Variants in CNIH3 observed in about 807,000 individuals in gnomAD.
CNIH3 encodes cornichon family AMPA receptor auxiliary protein 3, also known as protein cornichon homolog 3.
In CNIH3, 14 loss-of-function variants were observed where a neutral mutation model predicts 24.1. The ratio of observed to expected loss-of-function variants is 0.58; its 90% CI spans 0.38 to 0.91. CNIH3 has a LOEUF of 0.91. CNIH3 is among the 40% of genes least tolerant of loss of function. The pLI is 0.00. For missense variants in CNIH3, 178 were observed against 196.8 expected (o/e 0.90, Z 0.57); for synonymous variants, 68 against 73.8 (o/e 0.92, Z 0.40).
chr1:224,643,278 A>T (rs1684447106), intron 1 of CNIH3, among the ~76,000 whole-genome samples: 1 of 152,216 alleles, frequency 6.6e-6, no homozygotes. Context: ...CAAATGTAGA[A>T]TGAGAAATTA....
intron 2 of CNIH3, among the ~76,000 whole-genome samples, chr1:224,523,329 G>A (rs1279452141): frequency 6.6e-6 from 1 of 152,122 alleles, no homozygotes; most frequent in African/African-American, 2.4e-5. Context: ...GGGTAAATAC[G>A]TTGTGGTGTA....
chr1:224,699,256 C>T (rs1329746814), intron 3 of CNIH3, among the ~76,000 whole-genome samples: 1 of 152,184 alleles, frequency 6.6e-6, no homozygotes, highest in Non-Finnish European at 1.5e-5. Context: ...TCTCACCCTC[C>T]AAGTCAAAAA....
chr1:224,706,253 G>A (rs1474807143), intron 3 of CNIH3, among the ~76,000 whole-genome samples: 1 of 152,286 alleles, frequency 6.6e-6, no homozygotes, highest in Non-Finnish European at 1.5e-5. Context: ...CTTGGATGCT[G>A]ATCTGCCGTG....
At chr1:224,453,167 G>A (rs1195061943) in intron 1 of CNIH3, among the ~76,000 whole-genome samples, 6 of 151,398 alleles carry the variant, frequency 4.0e-5, no homozygotes, top group Admixed American at 1.3e-4. Flanking sequence ...TATATATTGT[G>A]TGTATATATA....
At chr1:224,738,619 C>T (rs1458789344) in intron 5 of CNIH3, among the ~76,000 whole-genome samples, 4 of 152,174 alleles carry the variant, frequency 2.6e-5, no homozygotes, top group African/African-American at 7.2e-5. Flanking sequence ...GCGAAATAGA[C>T]AAAGAGGTAT....
chr1:224,593,646 A>G (rs1681857542), intron 3 of CNIH3, among the ~76,000 whole-genome samples: 1 of 152,250 alleles, frequency 6.6e-6, no homozygotes. Flanking sequence ...GTATCAAAAC[A>G]TCATATGGAC....
chr1:224,491,609 T>G, intron 1 of CNIH3, among the ~76,000 whole-genome samples: 1 of 152,198 alleles, frequency 6.6e-6, no homozygotes, highest in African/African-American at 2.4e-5. Context: ...TATTTTTTAT[T>G]TATTTATTTT....
chr1:224,457,968 A>C (rs1675750195), intron 1 of CNIH3, among the ~76,000 whole-genome samples: 1 of 152,208 alleles, frequency 6.6e-6, no homozygotes, highest in South Asian at 2.1e-4. Flanking sequence ...GGGAGGAAGC[A>C]GACTTATTTT....
At chr1:224,647,694 A>G (rs1229322641) in intron 1 of CNIH3, among the ~76,000 whole-genome samples, 1 of 152,206 alleles carries the variant, frequency 6.6e-6, no homozygotes, top group African/African-American at 2.4e-5. Flanking sequence ...GCTGGGACAG[A>G]GCCAAGGATG....
In CNIH3 at chr1:224,616,511, G is replaced by T. The variant is rs1682995900; in HGVS notation, c.-664G>T. The T allele has an allele frequency of 1.2e-5, 12 of 987,640 alleles. No homozygotes were observed. Among genetic ancestry groups the T allele is most frequent in the Non-Finnish European group, 1.4e-5 (12 of 831,082 alleles). 61.2% of individuals were successfully genotyped at this position (987,640 alleles called of 1,614,324 possible). On this transcript the variant is annotated 5_prime_UTR_variant, in exon 1 of 6. Transcript: ENST00000272133. Reference sequence around the variant, plus strand: ...GCGGAGGCCGGCTGGCCGGAGTCACGGTTGGGGACGGGCGCGCCTCGGAGC... The same window carrying T: ...GCGGAGGCCGGCTGGCCGGAGTCACTGTTGGGGACGGGCGCGCCTCGGAGC...
downstream of CNIH3, among the ~76,000 whole-genome samples, chr1:224,541,146 G>T (rs1157905826): frequency 6.6e-6 from 1 of 152,132 alleles, no homozygotes; most frequent in African/African-American, 2.4e-5. Flanking sequence ...ATTAAGAAAG[G>T]TTTTCATTTT....
In CNIH3 at chr1:224,500,655, G is replaced by A. The variant is rs561918359; in HGVS notation, n.204-15086G>A. 1.0e-4 allele frequency among the ~76,000 whole-genome samples: 15 copies of A among 146,536 alleles called. No homozygotes were observed. The East Asian group carries it at 3.1e-3, about 30-fold the overall frequency. On this transcript the variant is annotated intron_variant and non_coding_transcript_variant, in intron 1 of 5. Transcript: ENST00000471578. ...GCCACTGCACTCCAACCTGCTGGGC[G>A]ACAGAGTGAGACAAAAAAGCAAAGA... is the stretch of plus-strand genomic sequence containing the variant.
chr1:224,697,287 A>G (rs1013845600), intron 3 of CNIH3, among the ~76,000 whole-genome samples: 9 of 152,152 alleles, frequency 5.9e-5, no homozygotes, highest in African/African-American at 2.2e-4. Flanking sequence ...AGGTTAAAAA[A>G]TCCTGCTGCC....
At chr1:224,562,256 T>C (rs1315275485) in intron 3 of CNIH3, among the ~76,000 whole-genome samples, 4 of 152,322 alleles carry the variant, frequency 2.6e-5, no homozygotes. Flanking sequence ...TATTTGACTC[T>C]CCTTTCCTGG....
intron 3 of CNIH3, among the ~76,000 whole-genome samples, chr1:224,728,082 C>T (rs1689128652): frequency 6.6e-6 from 1 of 152,110 alleles, no homozygotes; most frequent in Non-Finnish European, 1.5e-5. Flanking sequence ...AAACTGTAAT[C>T]AGTCAGAGAT....
downstream of CNIH3, among the ~76,000 whole-genome samples, chr1:224,538,645 TTCTCTC>T (rs375750092): frequency 2.3e-4 from 35 of 149,014 alleles, no homozygotes; most frequent in Non-Finnish European, 4.3e-4. Flanking sequence ...CTCCTCCTCC[TTCTCTC>T]TCTCTCTCTC....
chr1:224,705,804 C>CT (rs760087102), intron 3 of CNIH3, among the ~76,000 whole-genome samples: 12 of 150,634 alleles, frequency 8.0e-5, no homozygotes, highest in Non-Finnish European at 1.5e-4. Flanking sequence ...TCTTCCTTCA[C>CT]TTTTTTTTCT....
At chr1:224,588,138 C>T (rs12089565) in intron 5 of CNIH3, among the ~76,000 whole-genome samples, 39,006 of 151,878 alleles carry the variant, frequency 0.26, 5,174 homozygotes, top group Admixed American at 0.35. Flanking sequence ...CGTTCCCTCC[C>T]TTGAGCTGTC....
intron 1 of CNIH3, among the ~76,000 whole-genome samples, chr1:224,500,553 G>T (rs990545958): frequency 6.6e-6 from 1 of 152,044 alleles, no homozygotes; most frequent in Non-Finnish European, 1.5e-5. Flanking sequence ...TGCATCTGTG[G>T]TCCCAGCTGC....
Sources: gnomAD v4.1 joint callset for allele counts (sites outside exome capture counted in the v4.1 genomes callset) on GRCh38, gnomAD v4.1.1 for gene constraint, MANE v1.5 for transcripts, NCBI Gene and HGNC (gene_info 2026-07-23, HGNC 2026-07-21) for gene names.